GRK4: variants seen among roughly 807,000 people sequenced by gnomAD.
The protein encoded by GRK4 is G protein-coupled receptor kinase 2-like.
GRK4 carries 73 observed loss-of-function variants against 77.9 expected under a neutral mutation model. The observed-to-expected ratio is 0.94, with a 90% CI of 0.78 to 1.14. The LOEUF is 1.14. Among genes scored for constraint, GRK4 ranks in the 50% most tolerant of loss-of-function variants. The probability of loss-of-function intolerance (pLI) is 0.00; values close to 1 mark genes in which losing one functional copy is unlikely to be tolerated. For synonymous variants in GRK4, 257 were observed against 254.4 expected (o/e 1.01, Z -0.10); for missense variants, 729 against 700.2 (o/e 1.04, Z -0.46).
rs139328694 is a variant in GRK4, at chr4:2,979,833, T to G, written c.53-4680T>G. Among the ~76,000 whole-genome samples the G allele has an allele frequency of 1.0e-3, 153 of 152,326 alleles. 1 individual carries two copies. Among genetic ancestry groups the G allele is most frequent in the Admixed American group, 3.5e-3 (53 of 15,302 alleles). ...AGTCAAGGCTGCAGTGAGACTTGCATTCTGCATTCTAGCCTGGGTGACAGA... is the reference window on the plus strand; with the variant it reads ...AGTCAAGGCTGCAGTGAGACTTGCAGTCTGCATTCTAGCCTGGGTGACAGA... On this transcript the variant is annotated intron_variant, in intron 1 of 15. Coordinates refer to ENST00000398052, the MANE Select transcript of GRK4 (RefSeq NM_182982.3).
At chr4:2,966,245 C>T (rs964250922) in intron 1 of GRK4, 1 of 152,066 alleles carries the variant, frequency 6.6e-6, no homozygotes, top group African/African-American at 2.4e-5. Context: ...AACCCCGTCT[C>T]TACTAAAAAT....
chr4:2,977,329 T>C (rs182814094), intron 1 of GRK4, among the ~76,000 whole-genome samples: 4 of 152,340 alleles, frequency 2.6e-5, no homozygotes, highest in African/African-American at 9.6e-5. Flanking sequence ...GTGTGCTGCC[T>C]CTTGAGTTAT....
rs36001597 is a variant in GRK4, at chr4:2,986,354, C to CTTTTTTTT, written c.148+1760_148+1767dup. 5.3e-4 allele frequency among the ~76,000 whole-genome samples: 39 copies of CTTTTTTTT among 73,252 alleles called. 1 individual carries two copies. Among genetic ancestry groups the CTTTTTTTT allele is most frequent in the African/African-American group, 2.0e-3 (36 of 17,748 alleles). The allele number at this position is 73,252 out of a possible 152,430, so 48.1% of individuals were successfully genotyped here. On this transcript the variant is annotated intron_variant, in intron 2 of 15. Coordinates refer to ENST00000398052, the MANE Select transcript of GRK4 (RefSeq NM_182982.3). ...GTTCTTTATATATAAAAGGTGTTAT[C>CTTTTTTTT]TTTTTTTTTTTTTTTTTTTTTGAGA...
rs1221986140 is a variant in GRK4, at chr4:3,022,415, G to T, written c.934G>T (p.Asp312Tyr). The change falls in exon 10 of 16, where the codon GAC becomes TAC. Residue 312 changes from aspartate to tyrosine, a missense_variant and splice_region_variant. Coordinates refer to ENST00000398052, the MANE Select transcript of GRK4 (RefSeq NM_182982.3). ...GCCTTTTGTTGTTGTTTCTTGTAGA[G>T]ACTTGAAGCCTGAGAATATTCTCCT... ...DLQRERIVYR[D>Y]LKPENILLDD... The T allele has an allele frequency of 6.2e-7, 1 of 1,613,850 alleles. No homozygotes were observed. The highest frequency in any genetic ancestry group is 8.5e-7 in the Non-Finnish European group (1 of 1,179,922).
chr4:2,991,214 C>G (rs1049362951), intron 3 of GRK4, among the ~76,000 whole-genome samples: 1 of 152,192 alleles, frequency 6.6e-6, no homozygotes, highest in South Asian at 2.1e-4. Flanking sequence ...AAGCTGCCGT[C>G]CTCAGGCAGA....
intron 3 of GRK4, among the ~76,000 whole-genome samples, chr4:2,991,083 A>T (rs948998011): frequency 3.3e-5 from 5 of 152,132 alleles, no homozygotes; most frequent in Non-Finnish European, 5.9e-5. Flanking sequence ...ATAGGAGGAG[A>T]TATTAAGAGA....
intron 11 of GRK4, 106 bp downstream of exon 11, chr4:3,028,107 C>T: frequency 1.1e-6 from 1 of 918,114 alleles, no homozygotes; most frequent in East Asian, 2.4e-5. Context: ...GGTTTGGACA[C>T]ACTAGTAGAT....
At chr4:3,014,580 G>A (rs1318574069) in intron 8 of GRK4, among the ~76,000 whole-genome samples, 3 of 152,160 alleles carry the variant, frequency 2.0e-5, no homozygotes, top group East Asian at 3.9e-4. Context: ...GATCACCTGA[G>A]GTCAGGAGTT....
Position 2,988,720 on chromosome 4 carries a change from C to A in GRK4, c.149-7C>A, listed in dbSNP as rs374998800. ...TTGTTTGCTTCTTATCCCTTTGCTTCACCCAGAAAAGGATTATAGCAGTCT... is the reference window on the plus strand; with the variant it reads ...TTGTTTGCTTCTTATCCCTTTGCTTAACCCAGAAAAGGATTATAGCAGTCT... On this transcript the variant is annotated splice_polypyrimidine_tract_variant and splice_region_variant and intron_variant, in intron 2 of 15. Transcript: ENST00000398052. 3.2e-4 allele frequency: 490 copies of A among 1,516,394 alleles called. No homozygotes were observed. The highest frequency in any genetic ancestry group is 3.9e-4 in the Non-Finnish European group (430 of 1,090,986). The allele number at this position is 1,516,394 out of a possible 1,614,324, so 93.9% of individuals were successfully genotyped here. A position where few individuals can be genotyped will look rare whatever the true frequency, so the allele number is the denominator to read the frequency against.
chr4:3,038,300 C>G, intron 14 of GRK4, 76 bp from the exon 15 acceptor site: 1 of 1,576,026 alleles, frequency 6.3e-7, no homozygotes, highest in Non-Finnish European at 8.7e-7. Flanking sequence ...TGGGCAGGAG[C>G]TGCTGGCACT....
intron 11 of GRK4, among the ~76,000 whole-genome samples, chr4:3,028,563 G>A (rs1369602042): frequency 6.6e-6 from 1 of 152,220 alleles, no homozygotes; most frequent in Non-Finnish European, 1.5e-5. Context: ...CCTTCAGGAG[G>A]TGGAGCCTTC....
At chr4:3,003,070 C>T (rs1263219473) in intron 4 of GRK4, among the ~76,000 whole-genome samples, 2 of 152,208 alleles carry the variant, frequency 1.3e-5, no homozygotes, top group Admixed American at 6.5e-5. Flanking sequence ...GTCCATTCAA[C>T]AATTCCCAGT....
At chr4:2,974,358 T>TTGAA (rs1327857434) in intron 1 of GRK4, among the ~76,000 whole-genome samples, 1 of 152,240 alleles carries the variant, frequency 6.6e-6, no homozygotes, top group Non-Finnish European at 1.5e-5. Context: ...TAAATATTTG[T>TTGAA]TGAATGAATG....
chr4:3,009,037 C>CATATT (rs1422237288), intron 6 of GRK4, among the ~76,000 whole-genome samples: 3 of 152,252 alleles, frequency 2.0e-5, no homozygotes, highest in Admixed American at 2.0e-4. Flanking sequence ...TATGAACATA[C>CATATT]ATATTTCCTA....
rs1285282983 is a variant in GRK4, at chr4:3,003,416, C to T, written c.340-815C>T. ...ATGTTGGCCAGGCTGGTCTTGAACT[C>T]CTGACCTCAACTGATCCACATAACT... is the stretch of plus-strand genomic sequence containing the variant. On this transcript the variant is annotated intron_variant, in intron 4 of 15. Transcript: ENST00000398052. Among the ~76,000 whole-genome samples the T allele has an allele frequency of 2.0e-5, 3 of 151,978 alleles. No homozygotes were observed. The South Asian group carries it at 6.2e-4, about 32-fold the overall frequency.
At chr4:3,002,881 AT>A (rs1730249787) in intron 4 of GRK4, among the ~76,000 whole-genome samples, 1 of 152,172 alleles carries the variant, frequency 6.6e-6, no homozygotes, top group Non-Finnish European at 1.5e-5. Flanking sequence ...AAAAGAAACT[AT>A]CTGAAGAGGT....
At chr4:2,997,384 G>C (rs1392007504) in intron 4 of GRK4, among the ~76,000 whole-genome samples, 1 of 152,040 alleles carries the variant, frequency 6.6e-6, no homozygotes, top group Non-Finnish European at 1.5e-5. Flanking sequence ...ACACCCCTTC[G>C]TGATAAAAGC....
chr4:2,986,380 CAG>C (rs1724379025), intron 2 of GRK4, among the ~76,000 whole-genome samples: 1 of 101,732 alleles, frequency 9.8e-6, no homozygotes, highest in Non-Finnish European at 1.8e-5. Flanking sequence ...TTTTTTGAGA[CAG>C]AGTCTCGCTG....
rs769163351 is a variant in GRK4 at position 3,013,693 on chromosome 4, C to T, written c.606C>T (p.Cys202=). 20 of 1,606,276 alleles carry T rather than the reference C, an allele frequency of 1.2e-5. No homozygotes were observed. The highest frequency in any genetic ancestry group is 3.4e-5 in the Admixed American group (2 of 58,174). The part of the protein sequence containing the change: ...VLGKGGFGEV[C]ACQVRATGKM... ...TATTTTGCTGTTTAAACTAGGTTTG[C>T]GCCTGTCAAGTGCGAGCCACAGGAA... The change falls in exon 8 of 16, where the codon TGC becomes TGT. Residue 202 remains cysteine, a synonymous_variant. Transcript: ENST00000398052.
Sources: allele counts gnomAD v4.1 joint callset (sites outside exome capture counted in the v4.1 genomes callset), GRCh38; gene constraint gnomAD v4.1.1; transcripts MANE v1.5; gene names NCBI Gene and HGNC (gene_info 2026-07-23, HGNC 2026-07-21).